Variants in POGZ observed in about 807,000 individuals in gnomAD.
POGZ encodes pogo transposable element derived with ZNF domain.
Under a neutral mutation model 134.6 loss-of-function variants are expected in POGZ, and 17 were observed. The ratio of observed to expected loss-of-function variants is 0.13; its 90% CI spans 0.09 to 0.19. POGZ has a LOEUF of 0.19. Among genes scored for constraint, POGZ ranks in the 10% least tolerant of loss-of-function variants. The probability of loss-of-function intolerance (pLI) is 1.00; values close to 1 mark genes in which losing one functional copy is unlikely to be tolerated. For missense variants in POGZ, 1,306 were observed against 1,769.7 expected, an observed-to-expected ratio of 0.74 and a Z score of 4.70; for synonymous variants, 693 against 657.1, an observed-to-expected ratio of 1.05 and a Z score of -0.84.
At chr1:151,410,803 A>G (rs1654530907) in intron 12 of POGZ, among the ~76,000 whole-genome samples, 1 of 152,176 alleles carries the variant, frequency 6.6e-6, no homozygotes, top group South Asian at 2.1e-4. Context: ...TTTCTATTTC[A>G]GCAAATAGTT....
chr1:151,425,254 T>C (rs563939851), intron 7 of POGZ, 193 bp from the exon 8 acceptor site: 61 of 440,126 alleles, frequency 1.4e-4, no homozygotes, highest in Middle Eastern at 7.1e-4. Flanking sequence ...CAGGCTGGAG[T>C]GCAGTGGCAC....
chr1:151,404,012 G>A lies in POGZ; in HGVS notation c.*790C>T. 14 of 985,336 alleles carry A rather than the reference G, an allele frequency of 1.4e-5. No homozygotes were observed. The highest frequency in any genetic ancestry group is 1.7e-5 in the Non-Finnish European group (14 of 829,848). The allele number at this position is 985,336 out of a possible 1,614,324, so 61.0% of individuals were successfully genotyped here. A position where few individuals can be genotyped will look rare whatever the true frequency, so the allele number is the denominator to read the frequency against. Reference sequence around the variant, plus strand: ...TGTTGAGAATGGGGAAAGGGGCCAAGGATCACAAGTGCAAAAAATATTGTT... The same window carrying A: ...TGTTGAGAATGGGGAAAGGGGCCAAAGATCACAAGTGCAAAAAATATTGTT... On this transcript the variant is annotated 3_prime_UTR_variant, in exon 19 of 19. Coordinates refer to ENST00000271715, the MANE Select transcript of POGZ (RefSeq NM_015100.4).
Position 151,423,569 on chromosome 1 carries a change from G to C in POGZ, c.1524-18C>G, listed in dbSNP as rs1657300058. 1.9e-6 allele frequency: 3 copies of C among 1,585,246 alleles called. No homozygotes were observed. The highest frequency in any genetic ancestry group is 2.7e-5 in the African/African-American group (2 of 73,714). On this transcript the variant is annotated intron_variant, in intron 9 of 18. Coordinates refer to ENST00000271715, the MANE Select transcript of POGZ (RefSeq NM_015100.4). ...TCATGAATCTGTAATAAAGCACAAA[G>C]AGAAAGTACAGAAAACATAAAAAAT... is the stretch of plus-strand genomic sequence containing the variant.
intron 1 of POGZ, among the ~76,000 whole-genome samples, chr1:151,443,006 G>A (rs999466528): frequency 6.6e-6 from 1 of 152,086 alleles, no homozygotes; most frequent in Non-Finnish European, 1.5e-5. Context: ...CTCCAGCCTG[G>A]GCAATAGAGA....
At chr1:151,440,797 TTAC>T in intron 3 of POGZ, 128 bp downstream of exon 3, 1 of 691,368 alleles carries the variant, frequency 1.4e-6, no homozygotes. Flanking sequence ...CAGAGAATCA[TTAC>T]TAAATTCATT....
In POGZ at chr1:151,440,934, T is replaced by C. The variant is rs1369992245; in HGVS notation, c.277A>G (p.Asn93Asp). The C allele has an allele frequency of 3.1e-6, 5 of 1,612,926 alleles. No individual in the cohort carries two copies. The highest frequency in any genetic ancestry group is 4.2e-6 in the Non-Finnish European group (5 of 1,179,200). Residue 93 changes from asparagine (N) to aspartate (D), a missense_variant, in exon 3 of 19, where the codon AAC becomes GAC. Asn to Asp is a conservative substitution (Grantham distance 23). This residue lies in a region of POGZ where 541 missense variants were observed against 680.5 expected (regional missense o/e 0.80). Transcript: ENST00000271715. ...TCCCAATAATCCCACTTACCATTGT[T>C]GTTGGCAATTAGTGTGACAAGAGTC... is the stretch of plus-strand genomic sequence containing the variant. ...KKTLVTLIAN[N>D]NAGNPLVQQG...
At chr1:151,430,927 T>C in intron 3 of POGZ, 86 bp from the exon 4 acceptor site, 1 of 631,702 alleles carries the variant, frequency 1.6e-6, no homozygotes, top group Non-Finnish European at 2.3e-6. Context: ...TATTTTATTT[T>C]ATTTTATTTT....
chr1:151,453,218 C>T (rs748872086), intron 1 of POGZ, among the ~76,000 whole-genome samples: 1 of 151,936 alleles, frequency 6.6e-6, no homozygotes, highest in Non-Finnish European at 1.5e-5. Context: ...CTGCGCCCAG[C>T]CTCTTTCTCC....
intron 3 of POGZ, among the ~76,000 whole-genome samples, chr1:151,433,606 C>CAAAAAA (rs57509550): frequency 8.6e-5 from 7 of 81,724 alleles, no homozygotes; most frequent in African/African-American, 1.9e-4. Flanking sequence ...AATTCCGTCT[C>CAAAAAA]AAAAAAAAAA....
chr1:151,423,970 T>C lies in POGZ; in HGVS notation c.1502A>G (p.Lys501Arg), dbSNP rs1258123288. Reference sequence around the variant, plus strand: ...TTACCGAATATTGTTTTTTAGCCTTTTGGTACAATGTGGGCATCGGAAAGA... The same window carrying C: ...TTACCGAATATTGTTTTTTAGCCTTCTGGTACAATGTGGGCATCGGAAAGA... ...ATSFRCPHCT[K>R]RLKNNIRFMN... The change falls in exon 9 of 19, where the codon AAA becomes AGA. Residue 501 changes from lysine to arginine, a missense_variant. Lys to Arg is a conservative substitution (Grantham distance 26). Around this residue, in one of 10 missense-constraint regions of POGZ, gnomAD observed 541 missense variants for 680.5 expected, o/e 0.80. Coordinates refer to ENST00000271715, the MANE Select transcript of POGZ (RefSeq NM_015100.4). The C allele has an allele frequency of 6.2e-6, 10 of 1,613,838 alleles. No homozygotes were observed. The highest frequency in any genetic ancestry group is 1.3e-5 in the African/African-American group (1 of 74,906).
intron 7 of POGZ, 72 bp from the exon 8 acceptor site, chr1:151,425,133 A>G (rs1044679433): frequency 2.6e-6 from 2 of 766,608 alleles, no homozygotes; most frequent in Admixed American, 4.0e-5. Context: ...CTTTTGGGAA[A>G]AAGTCAAACA....
chr1:151,456,925 C>T (rs1465188856), intron 1 of POGZ, among the ~76,000 whole-genome samples: 1 of 152,200 alleles, frequency 6.6e-6, no homozygotes, highest in Non-Finnish European at 1.5e-5. Flanking sequence ...CAAGGGCATT[C>T]TCAAGTAGTT....
At chr1:151,420,385 T>C (rs948047208) in intron 10 of POGZ, among the ~76,000 whole-genome samples, 3 of 152,256 alleles carry the variant, frequency 2.0e-5, no homozygotes, top group Admixed American at 1.3e-4. Flanking sequence ...GGCGTGATCA[T>C]GGTTCACTCT....
At chr1:151,408,609 A>G in intron 13 of POGZ, 28 bp from the exon 14 acceptor site, 3 of 1,608,096 alleles carry the variant, frequency 1.9e-6, no homozygotes, top group Non-Finnish European at 2.5e-6. Flanking sequence ...TAACAATGAG[A>G]CATCACCCAC....
rs1236154568 is a variant in POGZ at position 151,424,938 on chromosome 1, C to A, written c.1185+17G>T. 7.5e-7 allele frequency: 1 copy of A among 1,339,674 alleles called. No homozygotes were observed. The highest frequency in any genetic ancestry group is 1.2e-5 in the South Asian group (1 of 82,052). 83.0% of individuals were successfully genotyped at this position (1,339,674 alleles called of 1,614,324 possible). On this transcript the variant is annotated intron_variant, in intron 8 of 18. Transcript: ENST00000271715. ...GGCAGAAGCCACTTAAGCTGGATCA[C>A]AGGTGATATCACTTACACACATGTG... is the stretch of plus-strand genomic sequence containing the variant.
intron 12 of POGZ, 23 bp downstream of exon 12, chr1:151,411,602 G>T: frequency 6.5e-7 from 1 of 1,538,824 alleles, no homozygotes; most frequent in South Asian, 1.2e-5. Flanking sequence ...AAGAGAATAT[G>T]GGAATTGCTT....
intron 10 of POGZ, 108 bp downstream of exon 10, chr1:151,423,289 C>G: frequency 1.1e-6 from 1 of 935,844 alleles, no homozygotes; most frequent in East Asian, 2.5e-5. Flanking sequence ...AGTACTTCCT[C>G]TACACTGTTA....
At chr1:151,426,479 A>C (rs3001840) in intron 7 of POGZ, 148,509 of 152,204 alleles carry the variant, frequency 0.98, 72,579 homozygotes, top group Middle Eastern at 1. Context: ...AACCACCACG[A>C]CCAGCGAGTC....
intron 3 of POGZ, among the ~76,000 whole-genome samples, chr1:151,437,063 A>G (rs1351496083): frequency 1.3e-5 from 2 of 152,062 alleles, no homozygotes; most frequent in African/African-American, 4.8e-5. Flanking sequence ...GTGTGGTGGC[A>G]GGCACCTGCA....
Sources: allele counts gnomAD v4.1 joint callset (sites outside exome capture counted in the v4.1 genomes callset), GRCh38; gene constraint gnomAD v4.1.1; regional missense constraint gnomAD v4.1.1; transcripts MANE v1.5; gene names NCBI Gene and HGNC (gene_info 2026-07-23, HGNC 2026-07-21).